The following LRRC51 variants were observed in gnomAD, a reference collection of about 807,000 sequenced individuals.
LRRC51 encodes the protein leucine-rich repeat-containing protein 51.
A neutral mutation model predicts 17.8 loss-of-function variants in LRRC51; 8 were observed. That is an observed-to-expected ratio of 0.45 (90% CI 0.26 to 0.81). LRRC51 has a LOEUF of 0.81. Ranked by LOEUF, LRRC51 falls within the 30% of genes least tolerant of loss-of-function variation. The pLI, the probability that LRRC51 is intolerant of heterozygous loss-of-function variation, is 0.17. For missense variants in LRRC51, 233 were observed against 239.3 expected, an observed-to-expected ratio of 0.97 and a Z score of 0.17; for synonymous variants, 92 against 96.0, an observed-to-expected ratio of 0.96 and a Z score of 0.24.
chr11:72,096,619 C>A lies in LRRC51; in HGVS notation c.*1099C>A. 6.7e-7 allele frequency: 1 copy of A among 1,500,820 alleles called. No individual in the cohort carries two copies. The highest frequency in any genetic ancestry group is 2.3e-5 in the Admixed American group (1 of 43,224). 93.0% of individuals were successfully genotyped at this position (1,500,820 alleles called of 1,614,324 possible). ...TGGGACACTGGAGACGTGGGTTTACCACACAGCCTTGGGAAATTTATCTAA... is the reference window on the plus strand; with the variant it reads ...TGGGACACTGGAGACGTGGGTTTACAACACAGCCTTGGGAAATTTATCTAA... On this transcript the variant is annotated 3_prime_UTR_variant, in exon 6 of 6. Coordinates refer to ENST00000289488, the MANE Select transcript of LRRC51 (RefSeq NM_145309.6).
Position 72,089,166 on chromosome 11 carries a change from G to A in LRRC51, c.82+1G>A, listed in dbSNP as rs1308245829. 6.2e-7 allele frequency: 1 copy of A among 1,614,146 alleles called. No homozygotes were observed. The highest frequency in any genetic ancestry group is 8.5e-7 in the Non-Finnish European group (1 of 1,180,020). The stretch of plus-strand genomic sequence containing the variant: ...TTCAGAAGCATCCACGTCATTCAAG[G>A]TCAGCCCCCAGAGCACAGTACTCCA... On this transcript the variant is annotated splice_donor_variant, in intron 3 of 5. Transcript: ENST00000289488. LOFTEE classifies it high-confidence loss of function.
chr11:72,095,042 G>T lies in LRRC51; in HGVS notation c.383G>T (p.Arg128Leu), dbSNP rs146968362. ...GTGAATAAGCTGGCTGTCCTTCCTC[G>T]GCTCCGTAGCCTGACACTCCATGGG... ...GEVNKLAVLP[R>L]LRSLTLHGNP... Residue 128 changes from arginine (R) to leucine (L), a missense_variant, in exon 5 of 6, where the codon CGG becomes CTG. By Grantham distance (102) the Arg-to-Leu change is moderately radical. Coordinates refer to ENST00000289488, the MANE Select transcript of LRRC51 (RefSeq NM_145309.6). 1.2e-6 allele frequency: 2 copies of T among 1,613,860 alleles called. No homozygotes were observed. Among genetic ancestry groups the T allele is most frequent in the East Asian group, 2.2e-5 (1 of 44,854 alleles).
chr11:72,095,651 G>GC lies in LRRC51; in HGVS notation c.*132dup, dbSNP rs1555051480. The GC allele has an allele frequency of 6.5e-7, 1 of 1,538,872 alleles. No homozygotes were observed. Among genetic ancestry groups the GC allele is most frequent in the Non-Finnish European group, 8.8e-7 (1 of 1,141,700 alleles). ...GAGATGTTCTCTAACTCAGGCAACT[G>GC]CAAGTAGCTCTAGCCTTTTCTTTTC... On this transcript the variant is annotated 3_prime_UTR_variant, in exon 6 of 6. Transcript: ENST00000289488.
At chr11:72,083,354 C>G (rs1028597188) in intron 1 of LRRC51, among the ~76,000 whole-genome samples, 6 of 152,200 alleles carry the variant, frequency 3.9e-5, no homozygotes, top group African/African-American at 1.4e-4. Context: ...AATGCTCATT[C>G]CACACCACCC....
intron 1 of LRRC51, among the ~76,000 whole-genome samples, chr11:72,083,561 A>G (rs1217084719): frequency 6.6e-6 from 1 of 152,124 alleles, no homozygotes; most frequent in Non-Finnish European, 1.5e-5. Context: ...GCACTATGAG[A>G]TACAACTGTA....
At chr11:72,087,287 CTTTTTTTTTTTTTTTTTTT>C (rs58257513) in intron 1 of LRRC51, among the ~76,000 whole-genome samples, 3 of 107,328 alleles carry the variant, frequency 2.8e-5, no homozygotes, top group African/African-American at 1.1e-4. Context: ...AACAGAAATT[CTTTTTTTTTTTTTTTTTTT>C]TTTTTTTTTC....
At chr11:72,092,035 T>C (rs1353484236) in intron 3 of LRRC51, among the ~76,000 whole-genome samples, 2 of 152,214 alleles carry the variant, frequency 1.3e-5, no homozygotes, top group Non-Finnish European at 2.9e-5. Flanking sequence ...TATAAACTAT[T>C]TACTCCCTGA....
intron 1 of LRRC51, among the ~76,000 whole-genome samples, chr11:72,084,844 A>AG (rs1944435725): frequency 6.8e-6 from 1 of 147,576 alleles, no homozygotes; most frequent in South Asian, 2.1e-4. Context: ...CTCAAAAAAA[A>AG]AAAAAAAAAA....
chr11:72,086,218 A>C (rs1477000333), intron 1 of LRRC51: 2 of 589,232 alleles, frequency 3.4e-6, no homozygotes, highest in East Asian at 2.8e-5. Flanking sequence ...GAAACATGAG[A>C]GAGTATTCAC....
At chr11:72,089,763 T>C (rs1226331488) in intron 3 of LRRC51, among the ~76,000 whole-genome samples, 2 of 152,192 alleles carry the variant, frequency 1.3e-5, no homozygotes, top group African/African-American at 4.8e-5. Context: ...CACCTACACT[T>C]ATTGCAGGTT....
chr11:72,087,998 A>C (rs1417125775), intron 1 of LRRC51, among the ~76,000 whole-genome samples: 1 of 152,242 alleles, frequency 6.6e-6, no homozygotes, highest in Non-Finnish European at 1.5e-5. Context: ...GTGAAGTAAT[A>C]CAAATAATAA....
chr11:72,081,455 A>C (rs928783461), intron 1 of LRRC51, among the ~76,000 whole-genome samples: 1 of 152,006 alleles, frequency 6.6e-6, no homozygotes, highest in Non-Finnish European at 1.5e-5. Flanking sequence ...ACAAAAACAA[A>C]ACAAAACAAC....
In LRRC51 at chr11:72,088,679, G is replaced by A; in HGVS notation, c.-56+299G>A. 4 of 531,920 alleles carry A rather than the reference G, an allele frequency of 7.5e-6. No homozygotes were observed. The South Asian group carries it at 8.8e-5, about 12-fold the overall frequency. 33.0% of individuals were successfully genotyped at this position (531,920 alleles called of 1,614,324 possible). On this transcript the variant is annotated intron_variant, in intron 2 of 5. Coordinates refer to ENST00000289488, the MANE Select transcript of LRRC51 (RefSeq NM_145309.6). ...TAACTACTGTAGAGTAACAGAAAAG[G>A]TCTCAGAGTAGGATTCAGGAGATTA...
At chr11:72,093,422 C>T in intron 3 of LRRC51, 74 bp from the exon 4 acceptor site, 1 of 1,414,466 alleles carries the variant, frequency 7.1e-7, no homozygotes. Flanking sequence ...GCTAATCTTT[C>T]CAGCTCTGTC....
chr11:72,095,624 T>C lies in LRRC51; in HGVS notation c.*104T>C. On this transcript the variant is annotated 3_prime_UTR_variant, in exon 6 of 6. Coordinates refer to ENST00000289488, the MANE Select transcript of LRRC51 (RefSeq NM_145309.6). The stretch of plus-strand genomic sequence containing the variant: ...CAGATGAGAAGTCACTTACACCTTG[T>C]AGAGATGTTCTCTAACTCAGGCAAC... 9 of 1,552,030 alleles carry C rather than the reference T, an allele frequency of 5.8e-6. No homozygotes were observed. The South Asian group carries it at 9.5e-5, about 16-fold the overall frequency.
intron 3 of LRRC51, among the ~76,000 whole-genome samples, chr11:72,090,485 A>ATG (rs112818423): frequency 8.9e-4 from 135 of 151,418 alleles, no homozygotes; most frequent in South Asian, 1.7e-3. Context: ...GCATTTATAT[A>ATG]TGTGTGTGTG....
At chr11:72,095,354 C>G (rs764773536) in intron 5 of LRRC51, 25 bp from the exon 6 acceptor site, 1 of 1,613,250 alleles carries the variant, frequency 6.2e-7, no homozygotes, top group Non-Finnish European at 8.5e-7. Context: ...GGGGTGCTGG[C>G]CCCCAGCCTA....
intron 4 of LRRC51, chr11:72,094,538 A>G (rs1945058401): frequency 1.7e-6 from 1 of 603,144 alleles, no homozygotes; most frequent in Non-Finnish European, 3.0e-6. Flanking sequence ...CTTGGACACT[A>G]TTCCCCTGGT....
At chr11:72,087,056 T>G (rs1298581313) in intron 1 of LRRC51, among the ~76,000 whole-genome samples, 2 of 152,196 alleles carry the variant, frequency 1.3e-5, no homozygotes, top group Admixed American at 6.5e-5. Context: ...TGACAATCCA[T>G]GCCCATGGGA....
Sources: gnomAD v4.1 joint callset for allele counts (sites outside exome capture counted in the v4.1 genomes callset) on GRCh38, gnomAD v4.1.1 for gene constraint, MANE v1.5 for transcripts, NCBI Gene and HGNC (gene_info 2026-07-23, HGNC 2026-07-21) for gene names.